SCN8A: variants seen among roughly 807,000 people sequenced by gnomAD.
SCN8A encodes sodium channel protein type 8 subunit alpha.
Under a neutral mutation model 184.1 loss-of-function variants are expected in SCN8A, and 30 were observed. That is an observed-to-expected ratio of 0.16 (90% confidence interval 0.12 to 0.22). The LOEUF (loss-of-function observed/expected upper bound fraction) is 0.22, where lower values mean the gene tolerates loss of function less well. Ranked by LOEUF, SCN8A falls within the 10% of genes least tolerant of loss-of-function variation. The probability of loss-of-function intolerance (pLI) is 1.00; values close to 1 mark genes in which losing one functional copy is unlikely to be tolerated. For synonymous variants in SCN8A, 852 were observed against 907.0 expected (o/e 0.94, Z 1.09); for missense variants, 1,057 against 2,498.9 (o/e 0.42, Z 12.30).
intron 12 of SCN8A, among the ~76,000 whole-genome samples, chr12:51,733,327 G>A (rs543309363): frequency 1.3e-5 from 2 of 152,064 alleles, no homozygotes; most frequent in East Asian, 3.9e-4. Context: ...GGTTTTTGTT[G>A]TTTATTCTGT....
At chr12:51,643,675 C>G (rs958322298) in intron 1 of SCN8A, among the ~76,000 whole-genome samples, 1 of 152,148 alleles carries the variant, frequency 6.6e-6, no homozygotes, top group Non-Finnish European at 1.5e-5. Context: ...CTCATTCCTG[C>G]TTCAACCAGA....
chr12:51,664,209 T>TA (rs1316483709), intron 2 of SCN8A, among the ~76,000 whole-genome samples: 3 of 151,820 alleles, frequency 2.0e-5, no homozygotes, highest in Admixed American at 6.6e-5. Context: ...TGTTTATTAT[T>TA]TACTTTTTTT....
At chr12:51,637,736 A>G (rs1449178698) in intron 1 of SCN8A, among the ~76,000 whole-genome samples, 1 of 152,228 alleles carries the variant, frequency 6.6e-6, no homozygotes, top group East Asian at 1.9e-4. Context: ...AAGATGAAGG[A>G]GCAAGCGCTG....
chr12:51,712,444 A>G (rs1288856324), intron 11 of SCN8A: 6 of 766,102 alleles, frequency 7.8e-6, no homozygotes, highest in South Asian at 1.3e-5. Flanking sequence ...TGAGAACTGT[A>G]GCCCTTTTCT....
rs1171704983 is a variant in SCN8A at position 51,769,905 on chromosome 12, T to C, written c.3410T>C (p.Ile1137Thr). ...ACCAGCTCCTCTGAAGGAAGCACCA[T>C]TGATATCAAACCAGAAGTAGAAGAG... ...DDTSSSEGST[I>T]DIKPEVEEVP... The change falls in exon 18 of 27, where the codon ATT (isoleucine) becomes ACT (threonine). Residue 1137 changes from isoleucine (I) to threonine (T), a missense_variant. Ile to Thr is a moderately conservative substitution (Grantham distance 89). This residue lies in a region of SCN8A where 178 missense variants were observed against 259.6 expected (regional missense o/e 0.69). Coordinates refer to ENST00000627620, the MANE Select transcript of SCN8A (RefSeq NM_001330260.2). 8 of 1,607,740 alleles carry C rather than the reference T, an allele frequency of 5.0e-6. No homozygotes were observed. Among genetic ancestry groups the C allele is most frequent in the South Asian group, 1.1e-5 (1 of 89,126 alleles).
rs377387164 is a variant in SCN8A at position 51,610,808 on chromosome 12, T to C, written c.-55+19449T>C. The stretch of plus-strand genomic sequence containing the variant: ...TCCTTTATAGGTTACCTGATGCTTC[T>C]GTCTCACAGCTGTTAAGATTCTTTC... On this transcript the variant is annotated intron_variant, in intron 1 of 26. Coordinates refer to ENST00000627620, the MANE Select transcript of SCN8A (RefSeq NM_001330260.2). Among the ~76,000 whole-genome samples the C allele has an allele frequency of 1.5e-4, 23 of 152,354 alleles. No homozygotes were observed. In the East Asian group the frequency reaches 1.9e-3, roughly 13 times the overall value.
chr12:51,697,050 A>AG (rs1263390829), intron 6 of SCN8A, among the ~76,000 whole-genome samples: 4 of 151,400 alleles, frequency 2.6e-5, no homozygotes, highest in Admixed American at 6.6e-5. Flanking sequence ...AAAAAAAAAA[A>AG]AAATGAAAAA....
At chr12:51,678,949 G>A (rs562448087) in intron 2 of SCN8A, among the ~76,000 whole-genome samples, 35 of 151,906 alleles carry the variant, frequency 2.3e-4, no homozygotes, top group African/African-American at 5.3e-4. Context: ...GGTGGCGGGC[G>A]CCTGTAGTCC....
At position 51,786,604 on chromosome 12, in the gene SCN8A, C is replaced by T. The variant is rs1030141528; in HGVS notation, c.4005C>T (p.Leu1335=). Residue 1335 remains leucine (L), a synonymous_variant, in exon 22 of 27, where the codon CTC becomes CTT. Coordinates refer to ENST00000627620, the MANE Select transcript of SCN8A (RefSeq NM_001330260.2). ...PSIMNVLLVC[L]IFWLIFSIMG... Reference sequence around the variant, plus strand: ...TCATGAATGTGCTGCTGGTGTGTCTCATCTTCTGGCTGATTTTCAGCATCA... The same window carrying T: ...TCATGAATGTGCTGCTGGTGTGTCTTATCTTCTGGCTGATTTTCAGCATCA... 5 of 1,614,090 alleles carry T rather than the reference C, an allele frequency of 3.1e-6. No individual in the cohort carries two copies. In the African/African-American group the frequency reaches 4.0e-5, roughly 13 times the overall value.
intron 12 of SCN8A, among the ~76,000 whole-genome samples, chr12:51,733,213 A>G (rs1256576183): frequency 6.6e-6 from 1 of 152,154 alleles, no homozygotes; most frequent in Non-Finnish European, 1.5e-5. Flanking sequence ...CTTTTATTAT[A>G]TTGAAGTATG....
At chr12:51,755,953 C>G (rs967532466) in intron 14 of SCN8A, among the ~76,000 whole-genome samples, 1 of 152,038 alleles carries the variant, frequency 6.6e-6, no homozygotes, top group Non-Finnish European at 1.5e-5. Flanking sequence ...GGGTGCCCCC[C>G]ACCCCTTCAG....
chr12:51,639,256 G>A (rs1419687713), intron 1 of SCN8A, among the ~76,000 whole-genome samples: 1 of 152,208 alleles, frequency 6.6e-6, no homozygotes, highest in Non-Finnish European at 1.5e-5. Flanking sequence ...TGGGATTACA[G>A]CGTGCTGGGC....
At chr12:51,798,287 C>T (rs1367765739) in intron 26 of SCN8A, among the ~76,000 whole-genome samples, 1 of 152,178 alleles carries the variant, frequency 6.6e-6, no homozygotes, top group Non-Finnish European at 1.5e-5. Flanking sequence ...AGAAGCAATG[C>T]TGTGTGGAAT....
At position 51,703,014 on chromosome 12, in the gene SCN8A, A is replaced by G. The variant is rs553125635; in HGVS notation, c.1134+100A>G. The G allele has an allele frequency of 2.7e-6, 3 of 1,131,098 alleles. No homozygotes were observed. In the South Asian group the frequency reaches 6.2e-5, roughly 24 times the overall value. 70.1% of individuals were successfully genotyped at this position (1,131,098 alleles called of 1,614,324 possible). A position where few individuals can be genotyped will look rare whatever the true frequency, so the allele number is the denominator to read the frequency against. On this transcript the variant is annotated intron_variant, in intron 9 of 26. Transcript: ENST00000627620. The stretch of plus-strand genomic sequence containing the variant: ...AGACATTTAGTGAAGACATTATACA[A>G]GATCTAACTGTTGTGTTTCCCACAG...
At position 51,624,388 on chromosome 12, in the gene SCN8A, T is replaced by G. The variant is rs1341895779; in HGVS notation, c.-55+33029T>G. Among the ~76,000 whole-genome samples, 16 of 152,306 alleles carry G rather than the reference T, an allele frequency of 1.1e-4. No homozygotes were observed. The East Asian group carries it at 2.3e-3, about 22-fold the overall frequency. On this transcript the variant is annotated intron_variant, in intron 1 of 26. Coordinates refer to ENST00000627620, the MANE Select transcript of SCN8A (RefSeq NM_001330260.2). ...TGATGATGAGCATTTTTTCATGTGT[T>G]TTTTGGCTGCATAAATGTCTTCTTT...
intron 12 of SCN8A, among the ~76,000 whole-genome samples, chr12:51,731,056 T>G: frequency 6.6e-6 from 1 of 152,198 alleles, no homozygotes; most frequent in East Asian, 1.9e-4. Flanking sequence ...AGTCTTTTTT[T>G]ATGTCTGAAT....
Position 51,768,970 on chromosome 12 carries a change from C to T in SCN8A, c.3007C>T (p.Arg1003Cys), listed in dbSNP as rs1565917779. The change falls in exon 17 of 27, where the codon CGT becomes TGT. Residue 1003 changes from arginine to cysteine, a missense_variant. Arg to Cys is a radical substitution (Grantham distance 180). Coordinates refer to ENST00000627620, the MANE Select transcript of SCN8A (RefSeq NM_001330260.2). ...GAACAACCTCCAGATCTCAGTGATC[C>T]GTATCAAGAAGGGTGTGGCCTGGAC... ...EMNNLQISVI[R>C]IKKGVAWTKL... 1 of 1,613,320 alleles carries T rather than the reference C, an allele frequency of 6.2e-7. No individual in the cohort carries two copies.
At position 51,770,499 on chromosome 12, in the gene SCN8A, G is replaced by A. The variant is rs544392430; in HGVS notation, c.3491-30G>A. 110 of 1,543,912 alleles carry A rather than the reference G, an allele frequency of 7.1e-5. No homozygotes were observed. Among genetic ancestry groups the A allele is most frequent in the African/African-American group, 6.9e-4 (51 of 73,862 alleles). On this transcript the variant is annotated intron_variant, in intron 18 of 26. Transcript: ENST00000627620. ...AGGTCTGGGCGGGGCACGTTTCCAC[G>A]GTCTGACCCGCCTCTCCCGCTGGTG...
At chr12:51,792,340 C>G (rs920367932) in intron 25 of SCN8A, among the ~76,000 whole-genome samples, 1 of 150,396 alleles carries the variant, frequency 6.6e-6, no homozygotes, top group Non-Finnish European at 1.5e-5. Flanking sequence ...AAAAATTAGC[C>G]GAGCCTGGTA....
Sources: allele counts gnomAD v4.1 joint callset (sites outside exome capture counted in the v4.1 genomes callset), GRCh38; gene constraint gnomAD v4.1.1; regional missense constraint gnomAD v4.1.1; transcripts MANE v1.5; gene names NCBI Gene and HGNC (gene_info 2026-07-23, HGNC 2026-07-21).